SLC14A2: variants seen among roughly 807,000 people sequenced by gnomAD.
SLC14A2 encodes urea transporter 2.
Under a neutral mutation model 104.6 loss-of-function variants are expected in SLC14A2, and 91 were observed. The ratio of observed to expected loss-of-function variants is 0.87; its 90% CI spans 0.73 to 1.04. The LOEUF (loss-of-function observed/expected upper bound fraction) is 1.04. Ranked by LOEUF, SLC14A2 falls within the 50% of genes least tolerant of loss-of-function variation. The pLI, the probability that SLC14A2 is intolerant of heterozygous loss-of-function variation, is 0.00. For missense variants in SLC14A2, 1,189 were observed against 1,156.0 expected (o/e 1.03, Z -0.41); for synonymous variants, 476 against 466.4 (o/e 1.02, Z -0.27).
Position 45,254,487 on chromosome 18 carries a change from G to T in SLC14A2, c.-125+41296G>T, listed in dbSNP as rs143711576. Among the ~76,000 whole-genome samples, 156 of 152,326 alleles carry T rather than the reference G, an allele frequency of 1.0e-3. 1 individual carries two copies. Among genetic ancestry groups the T allele is most frequent in the African/African-American group, 3.3e-3 (136 of 41,574 alleles). ...TTGGAAAGGGGTCCTCAGGGGAAGA[G>T]GAGAGAAGTGCAAATATAAACCATC... On this transcript the variant is annotated intron_variant, in intron 1 of 20. Coordinates refer to the SLC14A2 transcript ENST00000586448.
intron 1 of SLC14A2, among the ~76,000 whole-genome samples, chr18:45,622,607 G>A (rs1368306447): frequency 2.0e-5 from 3 of 152,182 alleles, no homozygotes; most frequent in Non-Finnish European, 2.9e-5. Flanking sequence ...GCTGAGAAGA[G>A]GGCCCGGAAC....
chr18:45,541,697 A>T (rs371795250), intron 2 of SLC14A2, among the ~76,000 whole-genome samples: 2 of 152,238 alleles, frequency 1.3e-5, no homozygotes, highest in East Asian at 1.9e-4. Context: ...AGCCTTATGG[A>T]TAAGGCAAGA....
intron 2 of SLC14A2, among the ~76,000 whole-genome samples, chr18:45,532,239 A>G (rs2043704850): frequency 6.6e-6 from 1 of 152,198 alleles, no homozygotes; most frequent in African/African-American, 2.4e-5. Context: ...TCTGTGAAGA[A>G]AGTCATTGGT....
chr18:45,354,543 C>T (rs1419649206), intron 1 of SLC14A2, among the ~76,000 whole-genome samples: 2 of 152,194 alleles, frequency 1.3e-5, no homozygotes, highest in Admixed American at 6.5e-5. Flanking sequence ...AGCTTGCAAG[C>T]GTGTCCTCAC....
chr18:45,464,441 C>A (rs1449208574), intron 1 of SLC14A2, among the ~76,000 whole-genome samples: 1 of 152,082 alleles, frequency 6.6e-6, no homozygotes, highest in African/African-American at 2.4e-5. Flanking sequence ...TGGTACCTAG[C>A]GTACTGTCAA....
intron 2 of SLC14A2, among the ~76,000 whole-genome samples, chr18:45,526,803 T>C (rs1349741774): frequency 1.3e-5 from 2 of 152,132 alleles, no homozygotes; most frequent in Non-Finnish European, 2.9e-5. Context: ...GGGTGGGTTC[T>C]TTTCTAATAG....
rs780073798 is a variant in SLC14A2, at chr18:45,587,136, G to A, written c.-34-37495G>A. 1.6e-4 allele frequency among the ~76,000 whole-genome samples: 24 copies of A among 151,948 alleles called. 1 individual carries two copies. Among genetic ancestry groups the A allele is most frequent in the Non-Finnish European group, 2.9e-4 (20 of 67,992 alleles). Reference sequence around the variant, plus strand: ...ATTACAGGCACATACCACCACACCCGGCTAATTTTTGTATTTTTAGTAGAG... The same window carrying A: ...ATTACAGGCACATACCACCACACCCAGCTAATTTTTGTATTTTTAGTAGAG... On this transcript the variant is annotated intron_variant, in intron 2 of 20. Transcript: ENST00000586448.
At chr18:45,203,627 A>G in the SLC14A2 span, among the ~76,000 whole-genome samples, 1 of 152,302 alleles carries the variant, frequency 6.6e-6, no homozygotes, top group South Asian at 2.1e-4. Flanking sequence ...CCTTTTGAAG[A>G]TGGGATCCTA....
chr18:45,181,735 A>G, the SLC14A2 span, among the ~76,000 whole-genome samples: 18 of 152,314 alleles, frequency 1.2e-4, 1 homozygote, highest in Non-Finnish European at 1.0e-4. Flanking sequence ...TTATGTACCA[A>G]TTAATAACAT....
intron 10 of SLC14A2, among the ~76,000 whole-genome samples, chr18:45,656,756 T>G (rs1245634816): frequency 7.9e-5 from 12 of 152,204 alleles, no homozygotes; most frequent in Non-Finnish European, 2.9e-5. Context: ...AACTTATTTA[T>G]GCTAATTAAC....
intron 2 of SLC14A2, among the ~76,000 whole-genome samples, chr18:45,547,874 A>G (rs925177550): frequency 2.6e-5 from 4 of 152,180 alleles, no homozygotes; most frequent in Admixed American, 6.5e-5. Flanking sequence ...GATAATGAGA[A>G]AGTCTATGAG....
At chr18:45,403,595 A>G (rs2086119402) in intron 1 of SLC14A2, among the ~76,000 whole-genome samples, 1 of 152,082 alleles carries the variant, frequency 6.6e-6, no homozygotes, top group Admixed American at 6.6e-5. Flanking sequence ...GCACAGATGG[A>G]GCATGGCAAC....
rs2086256495 is a variant in SLC14A2 at position 45,414,760 on chromosome 18, ATATATATATATATAT to A, written c.-124-68472_-124-68458del. Among the ~76,000 whole-genome samples the A allele has an allele frequency of 9.8e-4, 54 of 55,270 alleles. 3 individuals are homozygous for A. Among genetic ancestry groups the A allele is most frequent in the Admixed American group, 1.3e-3 (6 of 4,644 alleles). 36.3% of individuals were successfully genotyped at this position (55,270 alleles called of 152,430 possible). On this transcript the variant is annotated intron_variant, in intron 1 of 20. Coordinates refer to the SLC14A2 transcript ENST00000586448. Reference sequence around the variant, plus strand: ...CACCGAGCGTAAAAAAAAAAAAAATATATATATATATATATATATATATATATATATATATAGAAA... The same window carrying A: ...CACCGAGCGTAAAAAAAAAAAAAATAATATATATATATATATATATAGAAA...
chr18:45,168,817 T>A, the SLC14A2 span: 1 of 152,094 alleles, frequency 6.6e-6, no homozygotes, highest in South Asian at 2.1e-4. Flanking sequence ...GATGAAACAT[T>A]CCTAAAAATG....
chr18:45,253,536 CTTAA>C (rs754361878), intron 1 of SLC14A2, among the ~76,000 whole-genome samples: 32 of 149,562 alleles, frequency 2.1e-4, no homozygotes, highest in Admixed American at 3.3e-4. Context: ...AAAAAAAAAT[CTTAA>C]TTTGAAAGCA....
intron 10 of SLC14A2, among the ~76,000 whole-genome samples, chr18:45,654,072 G>A (rs1050759541): frequency 6.6e-5 from 10 of 152,024 alleles, no homozygotes; most frequent in Admixed American, 3.9e-4. Context: ...CAGGTCGGGG[G>A]AACCATGGTA....
chr18:45,205,187 C>T, the SLC14A2 span, among the ~76,000 whole-genome samples: 1 of 152,194 alleles, frequency 6.6e-6, no homozygotes, highest in East Asian at 1.9e-4. Flanking sequence ...CTAGCAGCAC[C>T]AGCTTTCAGG....
chr18:45,283,230 C>T (rs76460894), intron 1 of SLC14A2, among the ~76,000 whole-genome samples: 186 of 140,446 alleles, frequency 1.3e-3, no homozygotes, highest in African/African-American at 1.1e-3. Flanking sequence ...CTGAACACGT[C>T]GAGTCTCCTA....
chr18:45,395,162 G>A (rs2086015175), intron 1 of SLC14A2, among the ~76,000 whole-genome samples: 1 of 152,042 alleles, frequency 6.6e-6, no homozygotes, highest in Non-Finnish European at 1.5e-5. Flanking sequence ...ATGGATTTTT[G>A]GAAAATGTTA....
Sources: allele counts gnomAD v4.1 joint callset (sites outside exome capture counted in the v4.1 genomes callset), GRCh38; gene constraint gnomAD v4.1.1; transcripts MANE v1.5; gene names NCBI Gene and HGNC (gene_info 2026-07-23, HGNC 2026-07-21).